Variants in TCF7L1 observed in about 807,000 individuals in gnomAD.
The protein encoded by TCF7L1 is transcription factor 7 like 1.
A neutral mutation model predicts 63.7 loss-of-function variants in TCF7L1; 18 were observed. That is an observed-to-expected ratio of 0.28 (90% CI 0.20 to 0.42). The LOEUF is 0.42. Among genes scored for constraint, TCF7L1 ranks in the 10% least tolerant of loss-of-function variants. The probability of loss-of-function intolerance (pLI) is 1.00; values close to 1 mark genes in which losing one functional copy is unlikely to be tolerated. For missense variants in TCF7L1, 654 were observed against 779.3 expected, an observed-to-expected ratio of 0.84 and a Z score of 1.91; for synonymous variants, 355 against 340.9, an observed-to-expected ratio of 1.04 and a Z score of -0.46.
chr2:85,206,253 C>T (rs1235401378), intron 3 of TCF7L1, among the ~76,000 whole-genome samples: 1 of 152,232 alleles, frequency 6.6e-6, no homozygotes, highest in Non-Finnish European at 1.5e-5. Flanking sequence ...ACACCACTGA[C>T]CTTGCCTTGT....
chr2:85,212,467 A>G (rs1433286239), intron 3 of TCF7L1, among the ~76,000 whole-genome samples: 1 of 152,168 alleles, frequency 6.6e-6, no homozygotes, highest in Non-Finnish European at 1.5e-5. Context: ...TCTATGCCCA[A>G]CCCTGGGAAG....
chr2:85,239,657 T>A (rs1291615389), intron 3 of TCF7L1, among the ~76,000 whole-genome samples: 1 of 152,130 alleles, frequency 6.6e-6, no homozygotes, highest in East Asian at 1.9e-4. Context: ...TAAAAGAGAA[T>A]GAAGATCGGG....
rs1195641870 is a variant in TCF7L1, at chr2:85,133,692, A to G, written c.8A>G (p.Gln3Arg). The G allele has an allele frequency of 5.0e-6, 5 of 997,276 alleles. No homozygotes were observed. The South Asian group carries it at 1.8e-4, about 36-fold the overall frequency. 61.8% of individuals were successfully genotyped at this position (997,276 alleles called of 1,614,324 possible). Reference protein sequence around the residue: MPQLGGGGGGGGG... With the variant: MPRLGGGGGGGGG... ...CCGGCCCGCGGCCCCACCATGCCCC[A>G]GCTCGGCGGCGGGGGCGGCGGCGGC... Residue 3 changes from glutamine (Q) to arginine (R), a missense_variant, in exon 1 of 12, where the codon CAG (glutamine) becomes CGG (arginine). Transcript: ENST00000282111. This position sits in a 1 kb window ranked among gnomAD's most constrained non-coding sequence, Gnocchi z 4.4.
chr2:85,172,264 G>T (rs1254087436), intron 3 of TCF7L1, among the ~76,000 whole-genome samples: 1 of 152,096 alleles, frequency 6.6e-6, no homozygotes, highest in Non-Finnish European at 1.5e-5. Context: ...CTCCCTTGGA[G>T]AGAAGGCAGA....
intron 3 of TCF7L1, among the ~76,000 whole-genome samples, chr2:85,222,238 G>A (rs1308379308): frequency 6.6e-6 from 1 of 152,078 alleles, no homozygotes; most frequent in Non-Finnish European, 1.5e-5. Flanking sequence ...CTACTTGGGA[G>A]GCTGAGGCAG....
chr2:85,254,023 C>T (rs1680649859), intron 3 of TCF7L1, among the ~76,000 whole-genome samples: 1 of 152,220 alleles, frequency 6.6e-6, no homozygotes, highest in African/African-American at 2.4e-5. Context: ...GATCCAGGCC[C>T]CTCTTGCCAT....
intron 3 of TCF7L1, among the ~76,000 whole-genome samples, chr2:85,219,043 CT>C: frequency 6.6e-6 from 1 of 152,264 alleles, no homozygotes; most frequent in East Asian, 1.9e-4. Flanking sequence ...ATCCCAGCTA[CT>C]CAGGAGGCTG....
Position 85,283,675 on chromosome 2 carries a change from A to G in TCF7L1, c.525+97A>G, listed in dbSNP as rs979232582. 3.8e-6 allele frequency: 5 copies of G among 1,327,680 alleles called. No homozygotes were observed. The African/African-American group carries it at 5.8e-5, about 15-fold the overall frequency. The allele number at this position is 1,327,680 out of a possible 1,614,324, so 82.2% of individuals were successfully genotyped here. A position where few individuals can be genotyped will look rare whatever the true frequency, so the allele number is the denominator to read the frequency against. ...CATCACGCTGAAGCAGATGGGGTCC[A>G]ACAGTGTTTCCTCAAATGTGTGAGT... On this transcript the variant is annotated intron_variant, in intron 4 of 11. Transcript: ENST00000282111.
chr2:85,304,159 T>C, intron 6 of TCF7L1, 96 bp from the exon 7 acceptor site: 1 of 1,381,928 alleles, frequency 7.2e-7, no homozygotes, highest in Non-Finnish European at 1.0e-6. Flanking sequence ...ACCTTCCCGC[T>C]TCCTTCCCAT....
chr2:85,291,560 A>AGTTTTGGTTTTG (rs112277726), intron 4 of TCF7L1, among the ~76,000 whole-genome samples: 4 of 134,766 alleles, frequency 3.0e-5, no homozygotes, highest in African/African-American at 1.2e-4. Flanking sequence ...TTTTGGTTTT[A>AGTTTTGGTTTTG]GTTTTGGTTT....
rs746755291 is a variant in TCF7L1, at chr2:85,133,929, C to T, written c.245C>T (p.Ser82Leu). The T allele has an allele frequency of 6.5e-7, 1 of 1,536,444 alleles. No individual in the cohort carries two copies. The highest frequency in any genetic ancestry group is 8.8e-7 in the Non-Finnish European group (1 of 1,137,416). Residue 82 changes from serine to leucine, a missense_variant, in exon 1 of 12, where the codon TCG (serine) becomes TTG (leucine). This residue lies in a region of TCF7L1 where 404 missense variants were observed against 454.8 expected (regional missense o/e 0.89). Transcript: ENST00000282111. This position sits in a 1 kb window ranked among gnomAD's most constrained non-coding sequence, Gnocchi z 4.4. The part of the protein sequence containing the change: ...ESENQSSSSD[S>L]EAERRPQPVR... Reference sequence around the variant, plus strand: ...GAGAACCAGAGCAGCAGCTCGGACTCGGAGGTAAGGAAGCACCGCGGCCAC... The same window carrying T: ...GAGAACCAGAGCAGCAGCTCGGACTTGGAGGTAAGGAAGCACCGCGGCCAC...
chr2:85,266,659 G>A (rs1680979167), intron 3 of TCF7L1, among the ~76,000 whole-genome samples: 1 of 152,248 alleles, frequency 6.6e-6, no homozygotes, highest in African/African-American at 2.4e-5. Flanking sequence ...CCACCAGGGG[G>A]CAGTGTGGAG....
chr2:85,239,420 G>A (rs1168374533), intron 3 of TCF7L1, among the ~76,000 whole-genome samples: 3 of 151,974 alleles, frequency 2.0e-5, no homozygotes, highest in Admixed American at 2.0e-4. Flanking sequence ...TCCTCTATGT[G>A]CAAACTCATC....
chr2:85,201,695 G>A (rs1679275916), intron 3 of TCF7L1, among the ~76,000 whole-genome samples: 1 of 152,090 alleles, frequency 6.6e-6, no homozygotes, highest in Non-Finnish European at 1.5e-5. Context: ...TTCCAAAATG[G>A]CTACACCATT....
intron 3 of TCF7L1, among the ~76,000 whole-genome samples, chr2:85,241,481 T>G (rs1454481324): frequency 7.3e-6 from 1 of 136,798 alleles, no homozygotes; most frequent in African/African-American, 2.6e-5. Context: ...GGAGTTTCAC[T>G]CTTGTTGCTT....
At chr2:85,152,805 A>G (rs1678051096) in intron 3 of TCF7L1, among the ~76,000 whole-genome samples, 1 of 152,136 alleles carries the variant, frequency 6.6e-6, no homozygotes, top group Non-Finnish European at 1.5e-5. Flanking sequence ...TAATAGTTGT[A>G]TAATTTTACA....
At chr2:85,250,475 C>T (rs947989773) in intron 3 of TCF7L1, among the ~76,000 whole-genome samples, 1 of 151,746 alleles carries the variant, frequency 6.6e-6, no homozygotes, top group African/African-American at 2.4e-5. Context: ...CTCGCTCTGT[C>T]GCCCAGGCTG....
At chr2:85,302,286 G>A (rs916632657) in intron 4 of TCF7L1, among the ~76,000 whole-genome samples, 198 bp from the exon 5 acceptor site, 2 of 152,158 alleles carry the variant, frequency 1.3e-5, no homozygotes, top group Non-Finnish European at 2.9e-5. Flanking sequence ...TGAGGGGAGC[G>A]ATGGAGGGTG....
chr2:85,174,105 A>G (rs961818376), intron 3 of TCF7L1, among the ~76,000 whole-genome samples: 1 of 152,128 alleles, frequency 6.6e-6, no homozygotes, highest in Non-Finnish European at 1.5e-5. Context: ...AACCATCACC[A>G]CTATCTAAAT....
Sources: allele counts gnomAD v4.1 joint callset (sites outside exome capture counted in the v4.1 genomes callset), GRCh38; gene constraint gnomAD v4.1.1; regional missense constraint gnomAD v4.1.1; non-coding constraint Gnocchi (gnomAD v3.1); transcripts MANE v1.5; gene names NCBI Gene and HGNC (gene_info 2026-07-23, HGNC 2026-07-21).